Variants in PTPRD observed in about 807,000 individuals in gnomAD.
The protein encoded by PTPRD is receptor-type tyrosine-protein phosphatase delta.
PTPRD carries 34 observed loss-of-function variants against 214.5 expected under a neutral mutation model. The observed-to-expected ratio is 0.16, with a 90% CI of 0.12 to 0.21. The LOEUF (loss-of-function observed/expected upper bound fraction) is 0.21. Among genes scored for constraint, PTPRD ranks in the 10% least tolerant of loss-of-function variants. PTPRD has a pLI of 1.00. For synonymous variants in PTPRD, 1,128 were observed against 845.7 expected, an observed-to-expected ratio of 1.33 and a Z score of -5.79; for missense variants, 2,545 against 2,398.7, an observed-to-expected ratio of 1.06 and a Z score of -1.27.
At chr9:10,523,411 C>T (rs1185377175) in intron 2 of PTPRD, among the ~76,000 whole-genome samples, 3 of 151,528 alleles carry the variant, frequency 2.0e-5, no homozygotes, top group Non-Finnish European at 4.4e-5. Flanking sequence ...TCTCCTAGCT[C>T]AGCAAGTCTC....
At chr9:8,881,869 A>G (rs539753322) in intron 11 of PTPRD, among the ~76,000 whole-genome samples, 1 of 152,316 alleles carries the variant, frequency 6.6e-6, no homozygotes, top group East Asian at 1.9e-4. Flanking sequence ...ATTCTTCTGG[A>G]TTCTTAATGA....
chr9:10,258,594 C>T (rs947956909), intron 3 of PTPRD, among the ~76,000 whole-genome samples: 8 of 152,212 alleles, frequency 5.3e-5, no homozygotes, highest in African/African-American at 1.9e-4. Context: ...ACAATAGTGG[C>T]AAGCCAACAA....
intron 10 of PTPRD, among the ~76,000 whole-genome samples, chr9:9,091,674 G>A (rs576260348): frequency 6.6e-6 from 1 of 152,286 alleles, no homozygotes; most frequent in African/African-American, 2.4e-5. Flanking sequence ...ACATATATCT[G>A]CCTGTAACAA....
chr9:10,479,030 T>G (rs1430767479), intron 2 of PTPRD, among the ~76,000 whole-genome samples: 1 of 152,122 alleles, frequency 6.6e-6, no homozygotes, highest in African/African-American at 2.4e-5. Flanking sequence ...TTTCAAACAT[T>G]ACACAATTTT....
At chr9:9,646,617 C>T (rs1014379411) in intron 7 of PTPRD, among the ~76,000 whole-genome samples, 15 of 152,082 alleles carry the variant, frequency 9.9e-5, no homozygotes, top group African/African-American at 2.9e-4. Flanking sequence ...GTTGAATATG[C>T]CTTCTTCCTC....
At chr9:10,246,049 GT>G (rs1400758795) in intron 3 of PTPRD, among the ~76,000 whole-genome samples, 1 of 152,008 alleles carries the variant, frequency 6.6e-6, no homozygotes, top group Non-Finnish European at 1.5e-5. Context: ...TCCCAAGAAT[GT>G]TTTTTTCTTC....
rs554958800 is a variant in PTPRD, at chr9:9,361,861, G to A, written c.-203+35588C>T. ...ACAACTATTTATCAGGGCCTACCAT[G>A]AATGAGAAAACTTCTAGAAATGGGC... On this transcript the variant is annotated intron_variant, in intron 9 of 45. Transcript: ENST00000381196. Among the ~76,000 whole-genome samples, 164 of 151,088 alleles carry A rather than the reference G, an allele frequency of 1.1e-3. 1 individual carries two copies. Among genetic ancestry groups the A allele is most frequent in the African/African-American group, 3.9e-3 (160 of 41,404 alleles).
chr9:9,300,946 C>T (rs1955044558), intron 9 of PTPRD, among the ~76,000 whole-genome samples: 1 of 151,680 alleles, frequency 6.6e-6, no homozygotes, highest in Non-Finnish European at 1.5e-5. Flanking sequence ...TTTGTGAGTG[C>T]TTGGATAATA....
At chr9:9,094,805 G>A (rs472324) in intron 10 of PTPRD, among the ~76,000 whole-genome samples, 75,101 of 151,910 alleles carry the variant, frequency 0.49, 19,660 homozygotes, top group Non-Finnish European at 0.59. Flanking sequence ...ACAAAAAGCA[G>A]AAGAGGAGGG....
intron 7 of PTPRD, among the ~76,000 whole-genome samples, chr9:9,713,722 C>G (rs932392535): frequency 6.6e-6 from 1 of 152,054 alleles, no homozygotes; most frequent in Non-Finnish European, 1.5e-5. Flanking sequence ...GCTTTTATTA[C>G]AGGGACAGTG....
intron 11 of PTPRD, among the ~76,000 whole-genome samples, chr9:8,891,745 G>A (rs1333048267): frequency 6.6e-6 from 1 of 152,066 alleles, no homozygotes; most frequent in African/African-American, 2.4e-5. Context: ...ATGAGTAAAT[G>A]CATTGAAAAC....
In PTPRD at chr9:9,368,990, C is replaced by T. The variant is rs140686534; in HGVS notation, c.-203+28459G>A. 6.1e-3 allele frequency among the ~76,000 whole-genome samples: 929 copies of T among 152,048 alleles called. 15 individuals are homozygous for T. The highest frequency in any genetic ancestry group is 0.024 in the Middle Eastern group (7 of 294). On this transcript the variant is annotated intron_variant, in intron 9 of 45. Transcript: ENST00000381196. ...TGTTTTCTCATTGTTCAATTCCCAT[C>T]TATGAGTGAGAACATGCGGTGTTTG... is the stretch of plus-strand genomic sequence containing the variant.
At chr9:9,497,949 T>A (rs1020133763) in intron 8 of PTPRD, among the ~76,000 whole-genome samples, 1 of 152,158 alleles carries the variant, frequency 6.6e-6, no homozygotes, top group Non-Finnish European at 1.5e-5. Flanking sequence ...TTTAAATGAT[T>A]CACAGTGCCT....
intron 10 of PTPRD, among the ~76,000 whole-genome samples, chr9:9,155,721 C>T (rs7036801): frequency 0.25 from 37,690 of 151,946 alleles, 6,394 homozygotes; most frequent in African/African-American, 0.48. Context: ...GGATAATCAT[C>T]GACCTACATC....
chr9:8,398,365 C>T lies in PTPRD; in HGVS notation c.4210+6172G>A, dbSNP rs141546710. Among the ~76,000 whole-genome samples, 336 of 152,114 alleles carry T rather than the reference C, an allele frequency of 2.2e-3. 2 individuals carry two copies. Among genetic ancestry groups the T allele is most frequent in the Non-Finnish European group, 4.1e-3 (278 of 68,006 alleles). On this transcript the variant is annotated intron_variant, in intron 36 of 45. Transcript: ENST00000381196. ...GCAGAAGCAAGCAGAGCTTCGGATGCGTTATCAGGAAAGAGGTTCCTGAGC... is the reference window on the plus strand; with the variant it reads ...GCAGAAGCAAGCAGAGCTTCGGATGTGTTATCAGGAAAGAGGTTCCTGAGC...
chr9:9,362,600 G>C (rs562055243), intron 9 of PTPRD, among the ~76,000 whole-genome samples: 2 of 151,150 alleles, frequency 1.3e-5, no homozygotes, highest in African/African-American at 4.8e-5. Context: ...GAATAAAAAA[G>C]GGCATACTCT....
At chr9:9,333,845 T>C (rs1388064748) in intron 9 of PTPRD, among the ~76,000 whole-genome samples, 3 of 151,940 alleles carry the variant, frequency 2.0e-5, no homozygotes, top group African/African-American at 4.8e-5. Flanking sequence ...GAAATTCAGA[T>C]ATATTTGCCA....
At chr9:10,233,531 A>T (rs532761848) in intron 3 of PTPRD, among the ~76,000 whole-genome samples, 1 of 152,050 alleles carries the variant, frequency 6.6e-6, no homozygotes. Context: ...ATCAGATTAA[A>T]TAAAATATGA....
At chr9:9,076,282 T>C (rs2099751040) in intron 10 of PTPRD, among the ~76,000 whole-genome samples, 1 of 152,204 alleles carries the variant, frequency 6.6e-6, no homozygotes, top group Non-Finnish European at 1.5e-5. Flanking sequence ...TTGTAGATTC[T>C]GGATATTAGC....
Sources: gnomAD v4.1 joint callset for allele counts (sites outside exome capture counted in the v4.1 genomes callset) on GRCh38, gnomAD v4.1.1 for gene constraint, MANE v1.5 for transcripts, NCBI Gene and HGNC (gene_info 2026-07-23, HGNC 2026-07-21) for gene names.